Variants in CNTN4 observed in about 807,000 individuals in gnomAD.
CNTN4 encodes contactin 4, also known as contactin-4.
A neutral mutation model predicts 122.5 loss-of-function variants in CNTN4; 77 were observed. The ratio of observed to expected loss-of-function variants is 0.63; its 90% CI spans 0.52 to 0.76. CNTN4 has a LOEUF of 0.76. Among genes scored for constraint, CNTN4 ranks in the 30% least tolerant of loss-of-function variants. The probability of loss-of-function intolerance (pLI) is 0.00; values close to 1 mark genes in which losing one functional copy is unlikely to be tolerated. For missense variants in CNTN4, 1,256 were observed against 1,259.1 expected, an observed-to-expected ratio of 1.00 and a Z score of 0.04; for synonymous variants, 512 against 447.0, an observed-to-expected ratio of 1.15 and a Z score of -1.83.
chr3:2,682,459 C>A (rs1035825868), intron 4 of CNTN4, among the ~76,000 whole-genome samples: 7 of 152,172 alleles, frequency 4.6e-5, no homozygotes, highest in Non-Finnish European at 1.5e-5. Flanking sequence ...AGCCCAGCAT[C>A]TTGTATTTAA....
intron 2 of CNTN4, among the ~76,000 whole-genome samples, chr3:2,197,713 C>G (rs2037911651): frequency 6.6e-6 from 1 of 152,062 alleles, no homozygotes; most frequent in Non-Finnish European, 1.5e-5. Context: ...TAGATACATA[C>G]TTTTTAAACT....
chr3:2,501,216 G>T (rs1575781158), intron 3 of CNTN4, among the ~76,000 whole-genome samples: 2 of 152,064 alleles, frequency 1.3e-5, no homozygotes, highest in African/African-American at 4.8e-5. Flanking sequence ...GTTTCAAATG[G>T]ATTTGTAGGA....
At chr3:2,167,980 A>G (rs1009101862) in intron 2 of CNTN4, among the ~76,000 whole-genome samples, 2 of 152,152 alleles carry the variant, frequency 1.3e-5, no homozygotes, top group Admixed American at 6.5e-5. Flanking sequence ...TCTACAAAAA[A>G]TTTTAAAACA....
chr3:2,306,318 C>T (rs2042701911), intron 2 of CNTN4, among the ~76,000 whole-genome samples: 1 of 152,058 alleles, frequency 6.6e-6, no homozygotes, highest in Non-Finnish European at 1.5e-5. Context: ...TTTGTGGTTG[C>T]TTGTTTTTTA....
At chr3:2,548,391 A>G (rs2078335721) in intron 3 of CNTN4, among the ~76,000 whole-genome samples, 1 of 152,178 alleles carries the variant, frequency 6.6e-6, no homozygotes, top group Non-Finnish European at 1.5e-5. Flanking sequence ...TTTTCTGCAT[A>G]TGGCTAGCCA....
At chr3:2,859,840 C>T (rs2093654593) in intron 7 of CNTN4, among the ~76,000 whole-genome samples, 1 of 152,148 alleles carries the variant, frequency 6.6e-6, no homozygotes, top group South Asian at 2.1e-4. Context: ...CTTCCACCCA[C>T]AATTTCTTAA....
intron 7 of CNTN4, among the ~76,000 whole-genome samples, chr3:2,852,482 T>C (rs1172103537): frequency 6.6e-6 from 1 of 152,218 alleles, no homozygotes; most frequent in Non-Finnish European, 1.5e-5. Context: ...ATTCACCATC[T>C]TTGCCTTATC....
chr3:2,656,586 T>A (rs1440203380), intron 4 of CNTN4, among the ~76,000 whole-genome samples: 6 of 152,246 alleles, frequency 3.9e-5, no homozygotes, highest in Non-Finnish European at 7.3e-5. Flanking sequence ...ACTTAACATT[T>A]GGTGAGTGAA....
At chr3:3,019,954 G>C (rs1024408852) in intron 14 of CNTN4, among the ~76,000 whole-genome samples, 2 of 151,702 alleles carry the variant, frequency 1.3e-5, no homozygotes, top group East Asian at 3.9e-4. Context: ...CTGTAAGTTT[G>C]AAATTATTTC....
Position 3,056,417 on chromosome 3 carries a change from A to G in CNTN4, c.*197A>G. 1.8e-6 allele frequency: 1 copy of G among 563,236 alleles called. No homozygotes were observed. Among genetic ancestry groups the G allele is most frequent in the Non-Finnish European group, 3.2e-6 (1 of 312,710 alleles). The allele number at this position is 563,236 out of a possible 1,614,324, so 34.9% of individuals were successfully genotyped here. ...CTAGCTTTGTCTGAAGTTTCTTTGG[A>G]AACTCTGCAATGCACTGAAGACATC... On this transcript the variant is annotated 3_prime_UTR_variant, in exon 25 of 25. Transcript: ENST00000418658.
chr3:2,556,686 GT>G (rs1403131989), intron 3 of CNTN4, among the ~76,000 whole-genome samples: 4 of 151,974 alleles, frequency 2.6e-5, no homozygotes, highest in African/African-American at 9.7e-5. Flanking sequence ...TTTTATATAT[GT>G]GTGTGTATAT....
intron 4 of CNTN4, among the ~76,000 whole-genome samples, chr3:2,672,128 C>T (rs960222467): frequency 3.9e-5 from 6 of 152,224 alleles, no homozygotes; most frequent in Non-Finnish European, 8.8e-5. Flanking sequence ...AGAACCACCA[C>T]TGTCTTCCAA....
intron 2 of CNTN4, among the ~76,000 whole-genome samples, chr3:2,278,237 A>G (rs888124472): frequency 2.0e-5 from 3 of 152,256 alleles, no homozygotes; most frequent in Non-Finnish European, 4.4e-5. Flanking sequence ...AAAAATCAGA[A>G]TAACCTCATT....
intron 14 of CNTN4, among the ~76,000 whole-genome samples, chr3:3,020,314 C>T (rs1311884178): frequency 1.3e-5 from 2 of 152,072 alleles, no homozygotes; most frequent in Non-Finnish European, 2.9e-5. Context: ...TCCGTGACTC[C>T]CAGAAAGCTG....
intron 13 of CNTN4, among the ~76,000 whole-genome samples, chr3:2,981,439 G>T (rs565599206): frequency 6.6e-6 from 1 of 151,924 alleles, no homozygotes. Flanking sequence ...GCGAGACTCC[G>T]TCTCAAAAAA....
intron 3 of CNTN4, among the ~76,000 whole-genome samples, chr3:2,487,034 T>G (rs965226868): frequency 1.3e-5 from 2 of 152,172 alleles, no homozygotes. Context: ...GCCACCAAAT[T>G]CCTGCTACCT....
intron 3 of CNTN4, among the ~76,000 whole-genome samples, chr3:2,471,800 GC>G (rs2151507180): frequency 6.6e-6 from 1 of 152,266 alleles, no homozygotes; most frequent in Non-Finnish European, 1.5e-5. Flanking sequence ...CATTAACCTT[GC>G]CTGAATCTTG....
At chr3:2,895,830 C>T (rs58292086) in intron 10 of CNTN4, among the ~76,000 whole-genome samples, 15 of 151,994 alleles carry the variant, frequency 9.9e-5, no homozygotes, top group South Asian at 2.1e-4. Context: ...GTCAGGAGAT[C>T]GAGACCATCC....
At chr3:2,285,001 T>C (rs1200887031) in intron 2 of CNTN4, among the ~76,000 whole-genome samples, 1 of 151,910 alleles carries the variant, frequency 6.6e-6, no homozygotes, top group Non-Finnish European at 1.5e-5. Flanking sequence ...ATATATATTT[T>C]TGCCAGATTA....
Sources: gnomAD v4.1 joint callset for allele counts (sites outside exome capture counted in the v4.1 genomes callset) on GRCh38, gnomAD v4.1.1 for gene constraint, MANE v1.5 for transcripts, NCBI Gene and HGNC (gene_info 2026-07-23, HGNC 2026-07-21) for gene names.